Variants in FREM1 observed in about 807,000 individuals in gnomAD.
FREM1 encodes FRAS1 related extracellular matrix 1.
In FREM1, 220 loss-of-function variants were observed where a neutral mutation model predicts 210.1. The ratio of observed to expected loss-of-function variants is 1.05; its 90% CI spans 0.94 to 1.17. The LOEUF is 1.17. Ranked by LOEUF, FREM1 falls within the 50% of genes most tolerant of loss-of-function variation. FREM1 has a pLI of 0.00. For synonymous variants in FREM1, 1,189 were observed against 980.2 expected, an observed-to-expected ratio of 1.21 and a Z score of -3.98; for missense variants, 3,454 against 2,675.5, an observed-to-expected ratio of 1.29 and a Z score of -6.42.
intron 1 of FREM1, among the ~76,000 whole-genome samples, chr9:14,869,456 G>T (rs1832174211): frequency 6.6e-6 from 1 of 152,282 alleles, no homozygotes; most frequent in South Asian, 2.1e-4. Flanking sequence ...TTCCGGACTT[G>T]ACATACCGCT....
chr9:14,857,766 T>G lies in FREM1; in HGVS notation c.632-17A>C. Reference sequence around the variant, plus strand: ...CTCTCAGTTCTAGAATGTACAGCACTGGATTAAGAGAGTCACTTAAACATA... The same window carrying G: ...CTCTCAGTTCTAGAATGTACAGCACGGGATTAAGAGAGTCACTTAAACATA... On this transcript the variant is annotated splice_polypyrimidine_tract_variant and intron_variant, in intron 4 of 36. Coordinates refer to ENST00000380880, the MANE Select transcript of FREM1 (RefSeq NM_001379081.2). 1.3e-6 allele frequency: 2 copies of G among 1,556,478 alleles called. No individual in the cohort carries two copies. The highest frequency in any genetic ancestry group is 8.7e-7 in the Non-Finnish European group (1 of 1,149,176).
Position 14,860,909 on chromosome 9 carries a change from A to ATACATATATACGTATATATG in FREM1, c.330-1426_330-1425insCATATATACGTATATATGTA, listed in dbSNP as rs1344287976. On this transcript the variant is annotated intron_variant, in intron 3 of 36. Transcript: ENST00000380880. Reference sequence around the variant, plus strand: ...CACATATATACATATATACACATATACACATATACACATATATACACATAT... The same window carrying ATACATATATACGTATATATG: ...CACATATATACATATATACACATATATACATATATACGTATATATGCACATATACACATATATACACATAT... Among the ~76,000 whole-genome samples, 27 of 106,630 alleles carry ATACATATATACGTATATATG rather than the reference A, an allele frequency of 2.5e-4. 4 individuals carry two copies. The East Asian group carries it at 4.6e-3, about 18-fold the overall frequency. The allele number at this position is 106,630 out of a possible 152,430, so 70.0% of individuals were successfully genotyped here. A position where few individuals can be genotyped will look rare whatever the true frequency, so the allele number is the denominator to read the frequency against.
intron 4 of FREM1, 56 bp downstream of exon 4, chr9:14,859,127 A>G: frequency 7.2e-7 from 1 of 1,385,710 alleles, no homozygotes; most frequent in African/African-American, 1.4e-5. Context: ...GTGAGCATGC[A>G]TGGATATTTT....
chr9:14,838,702 G>A (rs1207526776), intron 10 of FREM1, among the ~76,000 whole-genome samples: 1 of 152,080 alleles, frequency 6.6e-6, no homozygotes, highest in African/African-American at 2.4e-5. Flanking sequence ...AGTTTGTAAG[G>A]GTCTACAATG....
At position 14,812,803 on chromosome 9, in the gene FREM1, G is replaced by C; in HGVS notation, c.2893+9C>G. On this transcript the variant is annotated intron_variant, in intron 16 of 36. Transcript: ENST00000380880. The stretch of plus-strand genomic sequence containing the variant: ...GCATTCCCTCACTGGTCACCATGCT[G>C]CTGCTTACCTGTGTGTTTGTATGTC... 1 of 1,595,556 alleles carries C rather than the reference G, an allele frequency of 6.3e-7. No homozygotes were observed. The highest frequency in any genetic ancestry group is 8.5e-7 in the Non-Finnish European group (1 of 1,169,690).
At chr9:14,841,360 C>T (rs577458307) in intron 10 of FREM1, 87 bp downstream of exon 10, 3 of 1,121,834 alleles carry the variant, frequency 2.7e-6, no homozygotes, top group Non-Finnish European at 3.7e-6. Flanking sequence ...ACCTTGAAAC[C>T]TATTTTCATG....
At chr9:14,895,807 T>A (rs1283713611) in intron 1 of FREM1, among the ~76,000 whole-genome samples, 1 of 151,942 alleles carries the variant, frequency 6.6e-6, no homozygotes, top group East Asian at 1.9e-4. Flanking sequence ...ATACAAGAGA[T>A]CCTCATAGTT....
intron 19 of FREM1, 125 bp from the exon 20 acceptor site, chr9:14,801,999 A>T: frequency 1.6e-6 from 1 of 641,478 alleles, no homozygotes; most frequent in Non-Finnish European, 2.6e-6. Flanking sequence ...TTTATATAGG[A>T]TGAGTCCTAA....
intron 21 of FREM1, among the ~76,000 whole-genome samples, chr9:14,793,757 G>C (rs952227504): frequency 4.6e-5 from 7 of 152,190 alleles, no homozygotes; most frequent in African/African-American, 1.7e-4. Flanking sequence ...GGATACTTGA[G>C]AACCAGCAAC....
At chr9:14,906,390 T>G (rs1020542866) in intron 1 of FREM1, among the ~76,000 whole-genome samples, 14 of 152,334 alleles carry the variant, frequency 9.2e-5, no homozygotes, top group African/African-American at 2.9e-4. Context: ...TTGGGTAATA[T>G]AGAACCATCC....
chr9:14,747,831 C>G lies in FREM1; in HGVS notation c.5797-103G>C, dbSNP rs115715965. 1,407 of 612,858 alleles carry G rather than the reference C, an allele frequency of 2.3e-3. 17 individuals carry two copies. The African/African-American group carries it at 0.025, about 11-fold the overall frequency. The allele number at this position is 612,858 out of a possible 1,614,324, so 38.0% of individuals were successfully genotyped here. A position where few individuals can be genotyped will look rare whatever the true frequency, so the allele number is the denominator to read the frequency against. On this transcript the variant is annotated intron_variant, in intron 31 of 36. Transcript: ENST00000380880. The stretch of plus-strand genomic sequence containing the variant: ...GATCTTGCTAATGTCTGAACAATTA[C>G]AAAACATATGTAATCTTAAGATTTC...
chr9:14,870,489 G>A, intron 1 of FREM1, among the ~76,000 whole-genome samples: 1 of 151,452 alleles, frequency 6.6e-6, no homozygotes, highest in East Asian at 1.9e-4. Context: ...TGTTGTCTTT[G>A]TTTTTTTTCT....
chr9:14,901,985 G>T (rs567757626), intron 1 of FREM1, among the ~76,000 whole-genome samples: 51 of 151,514 alleles, frequency 3.4e-4, no homozygotes, highest in African/African-American at 1.2e-3. Context: ...GAGTAGCTGG[G>T]ACTACAGGCA....
chr9:14,874,203 G>T (rs1355266033), intron 1 of FREM1, among the ~76,000 whole-genome samples: 4 of 152,144 alleles, frequency 2.6e-5, no homozygotes, highest in Non-Finnish European at 5.9e-5. Context: ...GCAGAGGTGA[G>T]TTCAATTCCT....
chr9:14,834,342 C>A (rs926335064), intron 10 of FREM1, among the ~76,000 whole-genome samples: 4 of 152,214 alleles, frequency 2.6e-5, no homozygotes, highest in Non-Finnish European at 5.9e-5. Context: ...ATGGTCTTTT[C>A]TTAAATTAAG....
intron 1 of FREM1, among the ~76,000 whole-genome samples, chr9:14,886,428 G>C (rs1455722231): frequency 1.4e-5 from 2 of 139,426 alleles, no homozygotes; most frequent in African/African-American, 5.3e-5. Flanking sequence ...AATAAAATAC[G>C]CTAACAGAGA....
rs1408499202 is a variant in FREM1, at chr9:14,823,215, A to C, written c.2282T>G (p.Leu761Trp). ...FSVSNQHGGT[L>W]HGICFNITIL... The stretch of plus-strand genomic sequence containing the variant: ...TGTAATGTTAAAGCAGATCCCATGC[A>C]AAGTACCGCCATGTTGGTTACTGAC... Residue 761 changes from leucine (L) to tryptophan (W), a missense_variant, in exon 13 of 37, where the codon TTG (leucine) becomes TGG (tryptophan). Transcript: ENST00000380880. 1 of 1,613,886 alleles carries C rather than the reference A, an allele frequency of 6.2e-7. No homozygotes were observed. Among genetic ancestry groups the C allele is most frequent in the Non-Finnish European group, 8.5e-7 (1 of 1,179,874 alleles).
chr9:14,845,860 A>C (rs1442498744), intron 8 of FREM1, 100 bp downstream of exon 8: 58 of 1,192,494 alleles, frequency 4.9e-5, no homozygotes, highest in Non-Finnish European at 6.5e-5. Context: ...TTCATTGAGA[A>C]ATTGGGCCCA....
intron 25 of FREM1, chr9:14,774,045 T>TAAAAAA: frequency 2.0e-6 from 1 of 507,460 alleles, no homozygotes; most frequent in South Asian, 1.5e-5. Context: ...ACAATAATTT[T>TAAAAAA]AATACAAAGT....
Sources: allele counts gnomAD v4.1 joint callset (sites outside exome capture counted in the v4.1 genomes callset), GRCh38; gene constraint gnomAD v4.1.1; transcripts MANE v1.5; gene names NCBI Gene and HGNC (gene_info 2026-07-23, HGNC 2026-07-21).